Variants in ARHGAP32 observed in about 807,000 individuals in gnomAD.
ARHGAP32 encodes the protein Rho GTPase activating protein 32, also known as rho GTPase-activating protein 32.
In ARHGAP32, 51 loss-of-function variants were observed where a neutral mutation model predicts 186.5. The ratio of observed to expected loss-of-function variants is 0.27; its 90% CI spans 0.22 to 0.35. The LOEUF (loss-of-function observed/expected upper bound fraction) is 0.35. Among genes scored for constraint, ARHGAP32 ranks in the 10% least tolerant of loss-of-function variants. The probability of loss-of-function intolerance (pLI) is 1.00; values close to 1 mark genes in which losing one functional copy is unlikely to be tolerated. For synonymous variants in ARHGAP32, 950 were observed against 964.3 expected (o/e 0.99, Z 0.27); for missense variants, 2,186 against 2,623.5 (o/e 0.83, Z 3.64).
intron 11 of ARHGAP32, among the ~76,000 whole-genome samples, chr11:129,028,525 A>T (rs1221214286): frequency 6.6e-6 from 1 of 152,228 alleles, no homozygotes; most frequent in Non-Finnish European, 1.5e-5. Flanking sequence ...AATATTCTGA[A>T]GATAAGAGTT....
intron 2 of ARHGAP32, among the ~76,000 whole-genome samples, chr11:129,143,953 G>A (rs1943116674): frequency 6.6e-6 from 1 of 152,102 alleles, no homozygotes; most frequent in Non-Finnish European, 1.5e-5. Flanking sequence ...TCCACTGGGG[G>A]TCTTGGAACA....
chr11:129,041,090 T>C, intron 10 of ARHGAP32, 81 bp from the exon 11 acceptor site: 1 of 902,888 alleles, frequency 1.1e-6, no homozygotes, highest in Admixed American at 2.1e-5. Flanking sequence ...ATTCCAGTAA[T>C]GTATTCTACA....
Position 128,974,479 on chromosome 11 carries a change from A to G in ARHGAP32, c.2718T>C (p.Ser906=). The G allele has an allele frequency of 6.2e-7, 1 of 1,614,212 alleles. No homozygotes were observed. Among genetic ancestry groups the G allele is most frequent in the Non-Finnish European group, 8.5e-7 (1 of 1,180,040 alleles). ...SFTEKVVYAF[S]PKIGRKLSKS... is the part of the protein sequence containing the mutation. ...TGCTTAATTTCCGTCCTATCTTCGG[A>G]GAGAAAGCATAGACGACCTTTTCAG... The change falls in exon 21 of 23, where the codon TCT becomes TCC. Residue 906 remains serine, a synonymous_variant. Coordinates refer to ENST00000682385, the MANE Select transcript of ARHGAP32 (RefSeq NM_001378024.1).
At chr11:129,077,877 G>A (rs531642529) in intron 6 of ARHGAP32, among the ~76,000 whole-genome samples, 11 of 152,266 alleles carry the variant, frequency 7.2e-5, no homozygotes, top group Non-Finnish European at 1.2e-4. Context: ...ACCAACTCAC[G>A]CCATTACAGC....
At chr11:129,024,601 G>GA (rs2134917210) in intron 11 of ARHGAP32, among the ~76,000 whole-genome samples, 1 of 152,118 alleles carries the variant, frequency 6.6e-6, no homozygotes, top group East Asian at 1.9e-4. Context: ...GTCTCTGTGT[G>GA]AAAAATTCTA....
intron 12 of ARHGAP32, among the ~76,000 whole-genome samples, chr11:128,992,731 G>C (rs949686942): frequency 7.9e-5 from 12 of 152,230 alleles, no homozygotes; most frequent in Middle Eastern, 3.4e-3. Context: ...AGGTTGCAGT[G>C]AGCCGAGATT....
At chr11:129,179,378 C>A (rs1352037257) in intron 1 of ARHGAP32, among the ~76,000 whole-genome samples, 2 of 152,196 alleles carry the variant, frequency 1.3e-5, no homozygotes, top group Non-Finnish European at 2.9e-5. Context: ...TTGTGGAAGT[C>A]AGTGTGGCCA....
intron 1 of ARHGAP32, among the ~76,000 whole-genome samples, chr11:129,220,196 A>G (rs893994603): frequency 1.3e-5 from 2 of 152,192 alleles, no homozygotes; most frequent in African/African-American, 4.8e-5. Context: ...AACTGAGATA[A>G]TGTAGCTTAA....
intron 1 of ARHGAP32, among the ~76,000 whole-genome samples, chr11:129,269,046 G>A (rs1263983692): frequency 1.3e-5 from 2 of 152,250 alleles, no homozygotes; most frequent in East Asian, 3.9e-4. Context: ...CAATGCAGTT[G>A]AATCACTTGA....
intron 5 of ARHGAP32, among the ~76,000 whole-genome samples, chr11:129,094,765 C>T (rs556655): frequency 0.38 from 57,879 of 151,962 alleles, 11,593 homozygotes; most frequent in South Asian, 0.52. Flanking sequence ...CATCTTTGGA[C>T]GTCAATTTGC....
Position 129,085,414 on chromosome 11 carries a change from C to A in ARHGAP32, c.531+8207G>T, listed in dbSNP as rs117306067. On this transcript the variant is annotated intron_variant, in intron 6 of 22. Transcript: ENST00000682385. ...CAGCTATATATCTAACAAAATACAC[C>A]TAACAGCTATATAAGGAAAACTACA... Among the ~76,000 whole-genome samples the A allele has an allele frequency of 4.3e-4, 65 of 152,186 alleles. No individual in the cohort carries two copies. In the East Asian group the frequency reaches 0.01, roughly 24 times the overall value.
intron 6 of ARHGAP32, among the ~76,000 whole-genome samples, chr11:129,084,032 C>G (rs1227996201): frequency 1.3e-5 from 2 of 150,580 alleles, no homozygotes; most frequent in Non-Finnish European, 2.9e-5. Context: ...ATATTAGGAA[C>G]AACTCTATGC....
upstream of ARHGAP32, among the ~76,000 whole-genome samples, chr11:129,193,560 A>ATT (rs1229201599): frequency 7.2e-5 from 1 of 13,886 alleles, no homozygotes; most frequent in Admixed American, 1.2e-3. Context: ...ATATATATAT[A>ATT]TTATATATAA....
intron 11 of ARHGAP32, among the ~76,000 whole-genome samples, chr11:129,008,856 C>T (rs1292042750): frequency 6.6e-6 from 1 of 152,138 alleles, no homozygotes; most frequent in Non-Finnish European, 1.5e-5. Context: ...AGTTGGTTAA[C>T]TTCAGAAGTT....
At chr11:129,207,904 G>T (rs1326531851) in intron 1 of ARHGAP32, among the ~76,000 whole-genome samples, 2 of 152,092 alleles carry the variant, frequency 1.3e-5, no homozygotes, top group Non-Finnish European at 2.9e-5. Flanking sequence ...ACATTTAGAG[G>T]TTTTGAATGT....
rs1327230863 is a variant in ARHGAP32, at chr11:128,973,263, A to G, written c.3243T>C (p.Ala1081=). 1 of 1,614,106 alleles carries G rather than the reference A, an allele frequency of 6.2e-7. No individual in the cohort carries two copies. The highest frequency in any genetic ancestry group is 1.1e-5 in the South Asian group (1 of 91,086). The change falls in exon 22 of 23, where the codon GCT becomes GCC. Residue 1081 remains alanine, a synonymous_variant. Transcript: ENST00000682385. ...QSLKRPGTSQ[A]GYTNYGDIAV... ...CTATGTCTCCATAATTTGTATACCC[A>G]GCCTGAGAGGTCCCTGGTCTCTTCA...
intron 1 of ARHGAP32, among the ~76,000 whole-genome samples, chr11:129,222,228 C>G (rs990488283): frequency 6.6e-6 from 1 of 152,078 alleles, no homozygotes; most frequent in Non-Finnish European, 1.5e-5. Context: ...GTTACAGAAC[C>G]CTCAAAGAGA....
At chr11:129,064,246 T>C (rs952326980) in intron 8 of ARHGAP32, among the ~76,000 whole-genome samples, 4 of 152,014 alleles carry the variant, frequency 2.6e-5, no homozygotes, top group Non-Finnish European at 5.9e-5. Context: ...AAAAAAATAC[T>C]TATCATCATT....
chr11:129,042,101 T>C (rs1448887024), intron 10 of ARHGAP32, among the ~76,000 whole-genome samples: 1 of 152,238 alleles, frequency 6.6e-6, no homozygotes, highest in Non-Finnish European at 1.5e-5. Context: ...ATTGTGAAGA[T>C]ATAAACCAGT....
Sources: gnomAD v4.1 joint callset for allele counts (sites outside exome capture counted in the v4.1 genomes callset) on GRCh38, gnomAD v4.1.1 for gene constraint, MANE v1.5 for transcripts, NCBI Gene and HGNC (gene_info 2026-07-23, HGNC 2026-07-21) for gene names.